Variants in NUAK2 observed in about 807,000 individuals in gnomAD.
NUAK2 encodes NUAK family SNF1-like kinase 2.
Under a neutral mutation model 29.8 loss-of-function variants are expected in NUAK2, and 20 were observed. That is an observed-to-expected ratio of 0.67 (90% confidence interval 0.47 to 0.98). NUAK2 has a LOEUF of 0.98. Ranked by LOEUF, NUAK2 falls within the 50% of genes least tolerant of loss-of-function variation. The probability of loss-of-function intolerance (pLI) is 0.00; values close to 1 mark genes in which losing one functional copy is unlikely to be tolerated. For missense variants in NUAK2, 719 were observed against 834.5 expected, an observed-to-expected ratio of 0.86 and a Z score of 1.71; for synonymous variants, 331 against 342.6, an observed-to-expected ratio of 0.97 and a Z score of 0.37.
chr1:205,315,503 C>T lies in NUAK2; in HGVS notation c.232-3678G>A, dbSNP rs541324143. ...TCCTAGACATGGGTGAAGTCCACCT[C>T]GGTTATAAGGACTAATTTTTAGGGA... On this transcript the variant is annotated intron_variant, in intron 1 of 6. Coordinates refer to ENST00000367157, the MANE Select transcript of NUAK2 (RefSeq NM_030952.3). 9.9e-5 allele frequency among the ~76,000 whole-genome samples: 15 copies of T among 152,256 alleles called. No homozygotes were observed. The South Asian group carries it at 1.2e-3, about 13-fold the overall frequency.
At position 205,321,330 on chromosome 1, in the gene NUAK2, C is replaced by T. The variant is rs1324855453; in HGVS notation, c.231+68G>A. Reference sequence around the variant, plus strand: ...GAGCAACGAGCGAGCCGCCGCCCGCCCTCCTCCGCTCCCTGCCGGCGGCCA... The same window carrying T: ...GAGCAACGAGCGAGCCGCCGCCCGCTCTCCTCCGCTCCCTGCCGGCGGCCA... On this transcript the variant is annotated intron_variant, in intron 1 of 6. Coordinates refer to ENST00000367157, the MANE Select transcript of NUAK2 (RefSeq NM_030952.3). The T allele has an allele frequency of 9.5e-6, 13 of 1,374,394 alleles. No individual in the cohort carries two copies. In the East Asian group the frequency reaches 2.5e-4, roughly 26 times the overall value. 85.1% of individuals were successfully genotyped at this position (1,374,394 alleles called of 1,614,324 possible).
At chr1:205,317,480 G>C (rs1662345133) in intron 1 of NUAK2, among the ~76,000 whole-genome samples, 1 of 152,192 alleles carries the variant, frequency 6.6e-6, no homozygotes. Context: ...TGGGCCTAGG[G>C]GTGGCTCGCC....
chr1:205,318,006 A>G (rs1178853921), intron 1 of NUAK2, among the ~76,000 whole-genome samples: 2 of 152,210 alleles, frequency 1.3e-5, no homozygotes, highest in African/African-American at 4.8e-5. Context: ...AGCACTTTAC[A>G]TATGCTATCT....
At chr1:205,307,358 G>T (rs1247605406) in intron 4 of NUAK2, among the ~76,000 whole-genome samples, 1 of 152,184 alleles carries the variant, frequency 6.6e-6, no homozygotes, top group African/African-American at 2.4e-5. Context: ...GATTATGCGG[G>T]TTTACTGGCT....
At chr1:205,318,445 G>A (rs1425890400) in intron 1 of NUAK2, among the ~76,000 whole-genome samples, 1 of 152,206 alleles carries the variant, frequency 6.6e-6, no homozygotes, top group African/African-American at 2.4e-5. Flanking sequence ...CCAGCTACAG[G>A]ATAAGTCACT....
At position 205,305,184 on chromosome 1, in the gene NUAK2, A is replaced by G; in HGVS notation, c.823+15T>C. 6.2e-7 allele frequency: 1 copy of G among 1,612,614 alleles called. No individual in the cohort carries two copies. The highest frequency in any genetic ancestry group is 8.5e-7 in the Non-Finnish European group (1 of 1,179,096). On this transcript the variant is annotated intron_variant, in intron 6 of 6. Coordinates refer to ENST00000367157, the MANE Select transcript of NUAK2 (RefSeq NM_030952.3). ...ACCCCAGGCCTGGATAAGAACGCCCACACCTCTTACTCACCAGAGGGTTTA... is the reference window on the plus strand; with the variant it reads ...ACCCCAGGCCTGGATAAGAACGCCCGCACCTCTTACTCACCAGAGGGTTTA...
intron 2 of NUAK2, among the ~76,000 whole-genome samples, chr1:205,309,264 G>C (rs1351011210): frequency 2.6e-5 from 4 of 152,114 alleles, no homozygotes; most frequent in African/African-American, 4.8e-5. Context: ...CAGTTCCAGG[G>C]CTGGCTGAGC....
chr1:205,302,336 G>C lies in NUAK2; in HGVS notation c.*1114C>G, dbSNP rs986688446. On this transcript the variant is annotated 3_prime_UTR_variant, in exon 7 of 7. Coordinates refer to ENST00000367157, the MANE Select transcript of NUAK2 (RefSeq NM_030952.3). ...TAAAAATAAATATGGACATTCTAGA[G>C]TCCTGAAGGCCTAGAGAACACATCC... is the stretch of plus-strand genomic sequence containing the variant. 7 of 152,620 alleles carry C rather than the reference G, an allele frequency of 4.6e-5. No individual in the cohort carries two copies. The highest frequency in any genetic ancestry group is 6.5e-5 in the Admixed American group (1 of 15,276). The allele number at this position is 152,620 out of a possible 1,614,324, so 9.5% of individuals were successfully genotyped here.
Position 205,308,089 on chromosome 1 carries a change from G to C in NUAK2, c.570+76C>G, listed in dbSNP as rs1662206082. ...CCTTCAGGAATCCACCAAGAGCTTA[G>C]AGCTACTTGGCTGGGGACAGTGCAG... On this transcript the variant is annotated intron_variant, in intron 4 of 6. Coordinates refer to ENST00000367157, the MANE Select transcript of NUAK2 (RefSeq NM_030952.3). The surrounding 1 kb of genome is among the most constrained non-coding windows in gnomAD (Gnocchi z 4.1). 1 of 959,788 alleles carries C rather than the reference G, an allele frequency of 1.0e-6. No homozygotes were observed. Among genetic ancestry groups the C allele is most frequent in the Non-Finnish European group, 1.7e-6 (1 of 601,584 alleles). 59.5% of individuals were successfully genotyped at this position (959,788 alleles called of 1,614,324 possible). A position where few individuals can be genotyped will look rare whatever the true frequency, so the allele number is the denominator to read the frequency against.
Position 205,311,819 on chromosome 1 carries a change from T to C in NUAK2, c.238A>G (p.Ile80Val), listed in dbSNP as rs1273821756. The C allele has an allele frequency of 1.9e-6, 3 of 1,613,788 alleles. No homozygotes were observed. The highest frequency in any genetic ancestry group is 1.1e-5 in the South Asian group (1 of 91,072). The change falls in exon 2 of 7, where the codon ATC becomes GTC. Residue 80 changes from isoleucine to valine, a missense_variant. Ile to Val is a conservative substitution (Grantham distance 29). Coordinates refer to ENST00000367157, the MANE Select transcript of NUAK2 (RefSeq NM_030952.3). ...ARESSGRLVA[I>V]KSIRKDKIKD... ...ATTTTGTCCTTCCGGATTGACTTGA[T>C]GGCCACCTGGGAAGAGAAGGCATGA...
rs777279650 is a variant in NUAK2, at chr1:205,304,111, C to T, written c.1226G>A (p.Gly409Asp). ...GGCTGACACCTTCTTCTTGAGAATG[C>T]CCTTTGGCAGCTTGAGGTTGCTCTT... is the stretch of plus-strand genomic sequence containing the variant. ...PGKSNLKLPKGILKKKVSASA... is the reference protein window; with the variant it reads ...PGKSNLKLPKDILKKKVSASA... Residue 409 changes from glycine to aspartate, a missense_variant, in exon 7 of 7, where the codon GGC becomes GAC. By Grantham distance (94) the Gly-to-Asp change is moderately conservative. Coordinates refer to ENST00000367157, the MANE Select transcript of NUAK2 (RefSeq NM_030952.3). The surrounding 1 kb of genome is among the most constrained non-coding windows in gnomAD (Gnocchi z 6.5). The T allele has an allele frequency of 3.7e-6, 6 of 1,614,104 alleles. No individual in the cohort carries two copies. Among genetic ancestry groups the T allele is most frequent in the Admixed American group, 1.7e-5 (1 of 60,012 alleles).
rs1329045231 is a variant in NUAK2, at chr1:205,304,765, G to C, written c.824-252C>G. Among the ~76,000 whole-genome samples the C allele has an allele frequency of 6.6e-6, 1 of 152,116 alleles. No homozygotes were observed. Among genetic ancestry groups the C allele is most frequent in the Non-Finnish European group, 1.5e-5 (1 of 68,012 alleles). The stretch of plus-strand genomic sequence containing the variant: ...GACTGTGACCCCTTCATAAGCCCTT[G>C]TGTGTATGTTGGTGTCTATCCTCTC... On this transcript the variant is annotated intron_variant, in intron 6 of 6. Transcript: ENST00000367157. This position sits in a 1 kb window ranked among gnomAD's most constrained non-coding sequence, Gnocchi z 6.5.
Position 205,306,303 on chromosome 1 carries a change from G to T in NUAK2, c.575C>A (p.Ala192Asp), listed in dbSNP as rs1182690438. 2 of 1,611,246 alleles carry T rather than the reference G, an allele frequency of 1.2e-6. No individual in the cohort carries two copies. Among genetic ancestry groups the T allele is most frequent in the Non-Finnish European group, 1.7e-6 (2 of 1,178,814 alleles). The change falls in exon 5 of 7, where the codon GCT (alanine) becomes GAT (aspartate). Residue 192 changes from alanine to aspartate, a missense_variant. Physicochemically the swap from Ala to Asp is moderately radical, Grantham distance 126. Around this residue, in one of 3 missense-constraint regions of NUAK2, gnomAD observed 283 missense variants for 345.6 expected, o/e 0.82. Transcript: ENST00000367157. ...LLDANGNIKI[A>D]DFGLSNLYHQ... is the part of the protein sequence containing the mutation. ...GTAGAGGTTGGAGAGACCGAAGTCA[G>T]CAATCTGCAGGATTGAGTCAAACAC...
rs79270884 is a variant in NUAK2, at chr1:205,305,002, C to T, written c.823+197G>A. ...CTTCCCAAATATAATCAAACATGCC[C>T]CTGTGGGAAAGAAAGAGCTATCCCC... On this transcript the variant is annotated intron_variant, in intron 6 of 6. Transcript: ENST00000367157. Among the ~76,000 whole-genome samples, 452 of 152,308 alleles carry T rather than the reference C, an allele frequency of 3.0e-3. 3 individuals carry two copies. Among genetic ancestry groups the T allele is most frequent in the African/African-American group, 1.0e-2 (415 of 41,550 alleles).
chr1:205,321,551 C>A lies in NUAK2; in HGVS notation c.78G>T (p.Gly26=). 6.2e-7 allele frequency: 1 copy of A among 1,613,794 alleles called. No homozygotes were observed. The highest frequency in any genetic ancestry group is 8.5e-7 in the Non-Finnish European group (1 of 1,179,900). Residue 26 remains glycine, a synonymous_variant, in exon 1 of 7, where the codon GGG becomes GGT. Coordinates refer to ENST00000367157, the MANE Select transcript of NUAK2 (RefSeq NM_030952.3). ...TTAGGGGCTTGGGCGACTTGATCAG[C>A]CCTTCCGCCAGCGGCCGGGCTAGCT... is the stretch of plus-strand genomic sequence containing the variant. ...AAELARPLAE[G]LIKSPKPLMK... is the part of the protein sequence containing the mutation.
chr1:205,319,670 G>T (rs903164342), intron 1 of NUAK2, among the ~76,000 whole-genome samples: 3 of 152,204 alleles, frequency 2.0e-5, no homozygotes, highest in African/African-American at 7.2e-5. Flanking sequence ...TGCAGAAAGA[G>T]AAAGAAAAGG....
intron 4 of NUAK2, among the ~76,000 whole-genome samples, chr1:205,307,233 G>C (rs894915910): frequency 6.6e-6 from 1 of 152,114 alleles, no homozygotes; most frequent in Non-Finnish European, 1.5e-5. Flanking sequence ...TGAAACTCTG[G>C]CTCCTTTGTT....
chr1:205,309,921 G>A (rs929475506), intron 2 of NUAK2, among the ~76,000 whole-genome samples: 1 of 152,234 alleles, frequency 6.6e-6, no homozygotes, highest in African/African-American at 2.4e-5. Context: ...ATCTCTCTGG[G>A]TAGGAGTGGC....
At chr1:205,310,598 C>A (rs575642153) in intron 2 of NUAK2, among the ~76,000 whole-genome samples, 1 of 152,102 alleles carries the variant, frequency 6.6e-6, no homozygotes, top group Non-Finnish European at 1.5e-5. Context: ...CACACGCACA[C>A]ACATGCAGAC....
Sources: allele counts gnomAD v4.1 joint callset (sites outside exome capture counted in the v4.1 genomes callset), GRCh38; gene constraint gnomAD v4.1.1; regional missense constraint gnomAD v4.1.1; non-coding constraint Gnocchi (gnomAD v3.1); transcripts MANE v1.5; gene names NCBI Gene and HGNC (gene_info 2026-07-23, HGNC 2026-07-21).